The following ATP8A1 variants were observed in gnomAD, a reference collection of about 807,000 sequenced individuals.
The protein encoded by ATP8A1 is ATPase phospholipid transporting 8A1.
Under a neutral mutation model 177.7 loss-of-function variants are expected in ATP8A1, and 90 were observed. The ratio of observed to expected loss-of-function variants is 0.51; its 90% confidence interval spans 0.43 to 0.60. The LOEUF is 0.60. ATP8A1 is among the 20% of genes least tolerant of loss of function. The pLI is 0.00. For synonymous variants in ATP8A1, 493 were observed against 485.9 expected, an observed-to-expected ratio of 1.01 and a Z score of -0.19; for missense variants, 1,072 against 1,392.8, an observed-to-expected ratio of 0.77 and a Z score of 3.67.
chr4:42,462,053 G>T lies in ATP8A1; in HGVS notation c.2619+2637C>A, dbSNP rs148307257. Reference sequence around the variant, plus strand: ...AGTTTCTAAGCAGCAAAGCATTCAAGAGGTGACTTGGGTGCTGTTAAAGGC... The same window carrying T: ...AGTTTCTAAGCAGCAAAGCATTCAATAGGTGACTTGGGTGCTGTTAAAGGC... On this transcript the variant is annotated intron_variant, in intron 27 of 36. Transcript: ENST00000381668. Among the ~76,000 whole-genome samples the T allele has an allele frequency of 8.8e-3, 1,340 of 152,318 alleles. 11 individuals are homozygous for T. The highest frequency in any genetic ancestry group is 0.03 in the African/African-American group (1,242 of 41,568).
intron 25 of ATP8A1, among the ~76,000 whole-genome samples, chr4:42,469,313 A>G (rs1029440215): frequency 1.3e-5 from 2 of 152,134 alleles, no homozygotes; most frequent in Non-Finnish European, 2.9e-5. Flanking sequence ...CTTACAATGC[A>G]CCAAGTCAAT....
chr4:42,496,578 T>G (rs1723291893), intron 24 of ATP8A1, among the ~76,000 whole-genome samples: 1 of 152,072 alleles, frequency 6.6e-6, no homozygotes, highest in Non-Finnish European at 1.5e-5. Flanking sequence ...AACTAGGGCC[T>G]GTGAGAAATT....
In ATP8A1 at chr4:42,446,650, C is replaced by T. The variant is rs761497932; in HGVS notation, c.2897-6G>A. ...CCCATTTCCAAATGCAGTACCTGTA[C>T]GAAAAGGAGAGGCCTATTAGAAAGG... On this transcript the variant is annotated splice_polypyrimidine_tract_variant and splice_region_variant and intron_variant, in intron 30 of 36. Coordinates refer to ENST00000381668, the MANE Select transcript of ATP8A1 (RefSeq NM_006095.2). 6.0e-5 allele frequency: 97 copies of T among 1,611,598 alleles called. 1 individual carries two copies. Among genetic ancestry groups the T allele is most frequent in the South Asian group, 4.7e-4 (43 of 91,004 alleles).
Position 42,546,272 on chromosome 4 carries a change from TC to T in ATP8A1, c.1653-2287del, listed in dbSNP as rs567045015. On this transcript the variant is annotated intron_variant, in intron 19 of 36. Coordinates refer to ENST00000381668, the MANE Select transcript of ATP8A1 (RefSeq NM_006095.2). ...AGCCATAAAAAATGATGAGTTCATG[TC>T]CTTTGTAGGGACATGGATGAAGCTG... Among the ~76,000 whole-genome samples the T allele has an allele frequency of 5.3e-5, 8 of 152,194 alleles. No homozygotes were observed. In the East Asian group the frequency reaches 1.6e-3, roughly 30 times the overall value.
intron 24 of ATP8A1, among the ~76,000 whole-genome samples, chr4:42,495,828 G>A (rs542601057): frequency 2.0e-5 from 3 of 152,172 alleles, no homozygotes; most frequent in East Asian, 1.9e-4. Context: ...GCGGCCCAAC[G>A]AACGCATTTA....
intron 6 of ATP8A1, among the ~76,000 whole-genome samples, chr4:42,597,636 G>A (rs1033864571): frequency 6.6e-6 from 1 of 152,030 alleles, no homozygotes; most frequent in Non-Finnish European, 1.5e-5. Flanking sequence ...TGTCCCTATT[G>A]TTGCATTTCC....
intron 5 of ATP8A1, among the ~76,000 whole-genome samples, chr4:42,613,307 T>C (rs1736557222): frequency 6.6e-6 from 1 of 151,814 alleles, no homozygotes; most frequent in African/African-American, 2.4e-5. Flanking sequence ...TTCTTGGATA[T>C]GGGACTTATA....
chr4:42,584,278 A>C (rs1229066077), intron 9 of ATP8A1, among the ~76,000 whole-genome samples: 1 of 152,124 alleles, frequency 6.6e-6, no homozygotes, highest in East Asian at 1.9e-4. Context: ...GGAGGAGGAG[A>C]AAAGAGGGGA....
chr4:42,434,221 C>A (rs1333194789), intron 33 of ATP8A1, among the ~76,000 whole-genome samples: 2 of 152,112 alleles, frequency 1.3e-5, no homozygotes, highest in East Asian at 3.9e-4. Context: ...TTTTAAAATA[C>A]TATGATGTTA....
intron 5 of ATP8A1, among the ~76,000 whole-genome samples, chr4:42,607,929 T>A (rs1577691863): frequency 6.6e-6 from 1 of 152,184 alleles, no homozygotes; most frequent in Non-Finnish European, 1.5e-5. Flanking sequence ...AGTGGTATGG[T>A]GCTTTGACAG....
chr4:42,537,150 AAAAAC>A (rs1308332624), intron 20 of ATP8A1, among the ~76,000 whole-genome samples: 2 of 151,052 alleles, frequency 1.3e-5, no homozygotes, highest in East Asian at 3.9e-4. Flanking sequence ...AAAAAAACAA[AAAAAC>A]CAAAAAAACC....
intron 8 of ATP8A1, among the ~76,000 whole-genome samples, chr4:42,587,097 A>C (rs1733683984): frequency 6.6e-6 from 1 of 152,234 alleles, no homozygotes; most frequent in Non-Finnish European, 1.5e-5. Flanking sequence ...AAAACTTTAA[A>C]AACTTTACAG....
At chr4:42,532,212 G>A (rs1036939765) in intron 20 of ATP8A1, among the ~76,000 whole-genome samples, 7 of 151,950 alleles carry the variant, frequency 4.6e-5, no homozygotes, top group South Asian at 4.2e-4. Flanking sequence ...AAAACAAAAC[G>A]CCTGTAATCC....
intron 16 of ATP8A1, among the ~76,000 whole-genome samples, chr4:42,555,139 A>ATCTATCTATCTAATCTATCT (rs1553903246): frequency 1.7e-4 from 10 of 59,526 alleles, no homozygotes; most frequent in East Asian, 8.6e-4. Flanking sequence ...CTATCTATCT[A>ATCTATCTATCTAATCTATCT]ATCTATCTAT....
At chr4:42,473,630 TA>T (rs578070368) in intron 25 of ATP8A1, among the ~76,000 whole-genome samples, 13 of 152,180 alleles carry the variant, frequency 8.5e-5, no homozygotes, top group African/African-American at 1.4e-4. Flanking sequence ...AAAGTTTTTT[TA>T]TTTATTTAAT....
chr4:42,493,941 C>T (rs1722983699), intron 24 of ATP8A1, among the ~76,000 whole-genome samples: 6 of 152,008 alleles, frequency 3.9e-5, no homozygotes, highest in Admixed American at 3.9e-4. Flanking sequence ...GTGGCTCCCA[C>T]CTGTAATCCC....
intron 15 of ATP8A1, among the ~76,000 whole-genome samples, chr4:42,564,261 C>A (rs369591501): frequency 7.2e-5 from 11 of 152,310 alleles, no homozygotes; most frequent in South Asian, 2.1e-4. Context: ...AGAGCCCCCC[C>A]CAACAGAGTC....
intron 24 of ATP8A1, among the ~76,000 whole-genome samples, chr4:42,499,977 T>C (rs1006320196): frequency 6.6e-6 from 1 of 152,226 alleles, no homozygotes; most frequent in Non-Finnish European, 1.5e-5. Context: ...TAGAAGTCTG[T>C]GGGACATTTC....
In ATP8A1 at chr4:42,411,202, C is replaced by T. The variant is rs1229683782; in HGVS notation, c.*1714G>A. On this transcript the variant is annotated 3_prime_UTR_variant, in exon 37 of 37. Transcript: ENST00000381668. ...TTAGAATTATGTATATGTGTTATAA[C>T]CTCTTATTTGTAGAAAATGGAGAGG... is the stretch of plus-strand genomic sequence containing the variant. 1 of 152,114 alleles carries T rather than the reference C, an allele frequency of 6.6e-6. No individual in the cohort carries two copies. The highest frequency in any genetic ancestry group is 2.1e-4 in the South Asian group (1 of 4,816). The allele number at this position is 152,114 out of a possible 1,614,324, so 9.4% of individuals were successfully genotyped here.
Sources: allele counts gnomAD v4.1 joint callset (sites outside exome capture counted in the v4.1 genomes callset), GRCh38; gene constraint gnomAD v4.1.1; transcripts MANE v1.5; gene names NCBI Gene and HGNC (gene_info 2026-07-23, HGNC 2026-07-21).